Variants in MECOM observed in about 807,000 individuals in gnomAD.
MECOM encodes MDS1 and EVI1 complex locus.
A neutral mutation model predicts 116.3 loss-of-function variants in MECOM; 13 were observed. The observed-to-expected ratio is 0.11, with a 90% confidence interval of 0.07 to 0.18. The LOEUF (loss-of-function observed/expected upper bound fraction) is 0.18, where lower values mean the gene tolerates loss of function less well. Among genes scored for constraint, MECOM ranks in the 10% least tolerant of loss-of-function variants. MECOM has a pLI of 1.00. For missense variants in MECOM, 1,299 were observed against 1,509.0 expected (o/e 0.86, Z 2.31); for synonymous variants, 528 against 535.2 (o/e 0.99, Z 0.19).
chr3:169,262,427 A>C (rs553909055), intron 2 of MECOM, among the ~76,000 whole-genome samples: 1 of 152,216 alleles, frequency 6.6e-6, no homozygotes, highest in Non-Finnish European at 1.5e-5. Flanking sequence ...CTCAGATATC[A>C]AGAAAAAGTT....
At chr3:169,658,627 C>G (rs976702393) in intron 1 of MECOM, among the ~76,000 whole-genome samples, 12 of 152,020 alleles carry the variant, frequency 7.9e-5, no homozygotes, top group Non-Finnish European at 1.5e-5. Context: ...GTAGGGGGCC[C>G]CCTGAGTGAG....
intron 14 of MECOM, 25 bp from the exon 15 acceptor site, chr3:169,090,261 T>A: frequency 6.4e-7 from 1 of 1,560,446 alleles, no homozygotes; most frequent in Non-Finnish European, 8.7e-7. Flanking sequence ...AAAAAAAAAG[T>A]CCAATTGTTG....
chr3:169,427,831 G>A (rs1003450659), intron 1 of MECOM, among the ~76,000 whole-genome samples: 6 of 152,058 alleles, frequency 3.9e-5, no homozygotes, highest in Non-Finnish European at 7.4e-5. Flanking sequence ...TTAATGAAGT[G>A]GTGAGTTCAA....
intron 2 of MECOM, among the ~76,000 whole-genome samples, chr3:169,334,043 TA>T (rs577429906): frequency 1.1e-4 from 16 of 151,488 alleles, no homozygotes; most frequent in East Asian, 3.9e-4. Flanking sequence ...AACACTTTCT[TA>T]AAAAAAAATA....
chr3:169,197,250 C>A, intron 2 of MECOM, among the ~76,000 whole-genome samples: 1 of 151,646 alleles, frequency 6.6e-6, no homozygotes, highest in Non-Finnish European at 1.5e-5. Context: ...AATCTGTACA[C>A]CAAACCCCCA....
intron 1 of MECOM, among the ~76,000 whole-genome samples, chr3:169,386,857 A>G (rs546178025): frequency 6.6e-6 from 1 of 152,266 alleles, no homozygotes; most frequent in South Asian, 2.1e-4. Context: ...CTTGTTTTTA[A>G]TAAAGAAAAT....
At chr3:169,158,860 G>A (rs1378114021) in intron 2 of MECOM, among the ~76,000 whole-genome samples, 1 of 152,164 alleles carries the variant, frequency 6.6e-6, no homozygotes, top group Non-Finnish European at 1.5e-5. Context: ...GTGCAGACCA[G>A]CACTTCTCTA....
At chr3:169,309,413 C>A (rs1718326924) in intron 2 of MECOM, among the ~76,000 whole-genome samples, 1 of 152,148 alleles carries the variant, frequency 6.6e-6, no homozygotes, top group Admixed American at 6.5e-5. Flanking sequence ...CAGGCATAAA[C>A]TTCTGATATC....
intron 1 of MECOM, among the ~76,000 whole-genome samples, chr3:169,559,505 C>G (rs542243418): frequency 1.3e-5 from 2 of 152,186 alleles, no homozygotes; most frequent in African/African-American, 4.8e-5. Context: ...CTGCACACCT[C>G]CTGGGGTGTA....
intron 1 of MECOM, among the ~76,000 whole-genome samples, chr3:169,560,812 T>C (rs548970928): frequency 6.6e-6 from 1 of 151,912 alleles, no homozygotes; most frequent in Non-Finnish European, 1.5e-5. Flanking sequence ...TAGCAGCAAA[T>C]GGGCCTAAAT....
intron 2 of MECOM, among the ~76,000 whole-genome samples, chr3:169,305,464 A>AC (rs1033935130): frequency 6.6e-6 from 1 of 152,232 alleles, no homozygotes; most frequent in African/African-American, 2.4e-5. Context: ...TAGAAATCAG[A>AC]CCAGATATCT....
intron 1 of MECOM, among the ~76,000 whole-genome samples, chr3:169,391,261 T>C (rs1416246420): frequency 6.6e-6 from 1 of 152,144 alleles, no homozygotes; most frequent in Non-Finnish European, 1.5e-5. Context: ...TATTTGAAAA[T>C]GAGCAATGGT....
At chr3:169,414,572 A>G (rs2108472333) in intron 1 of MECOM, among the ~76,000 whole-genome samples, 1 of 152,320 alleles carries the variant, frequency 6.6e-6, no homozygotes, top group South Asian at 2.1e-4. Flanking sequence ...GAAGGTGGGT[A>G]ATAACAAACT....
At chr3:169,583,749 T>C (rs944643665) in intron 1 of MECOM, among the ~76,000 whole-genome samples, 1 of 151,502 alleles carries the variant, frequency 6.6e-6, no homozygotes, top group Non-Finnish European at 1.5e-5. Flanking sequence ...GATCCAAGCA[T>C]GCCACCACGT....
chr3:169,314,294 T>C (rs1181186174), intron 2 of MECOM, among the ~76,000 whole-genome samples: 1 of 152,256 alleles, frequency 6.6e-6, no homozygotes, highest in Admixed American at 6.5e-5. Flanking sequence ...GCCTGGCACA[T>C]ACTTAGCACT....
chr3:169,269,138 C>T (rs1391429574), intron 2 of MECOM: 1 of 151,880 alleles, frequency 6.6e-6, no homozygotes, highest in Admixed American at 6.6e-5. Context: ...TGTTTACCTT[C>T]GTGTTCTCAT....
At chr3:169,521,793 T>C (rs758152644) in intron 1 of MECOM, among the ~76,000 whole-genome samples, 1 of 152,204 alleles carries the variant, frequency 6.6e-6, no homozygotes, top group Non-Finnish European at 1.5e-5. Context: ...GCTATTCATA[T>C]CCGTGGGTTC....
intron 1 of MECOM, among the ~76,000 whole-genome samples, chr3:169,566,585 A>G (rs532585882): frequency 6.6e-6 from 1 of 152,314 alleles, no homozygotes; most frequent in East Asian, 1.9e-4. Context: ...GCAGATGAGA[A>G]TATGGAATGG....
chr3:169,240,810 G>A (rs578144970), intron 2 of MECOM, among the ~76,000 whole-genome samples: 74 of 152,294 alleles, frequency 4.9e-4, no homozygotes, highest in South Asian at 1.0e-3. Flanking sequence ...TTATTAGACA[G>A]ATTTAAGGGG....
Sources: gnomAD v4.1 joint callset for allele counts (sites outside exome capture counted in the v4.1 genomes callset) on GRCh38, gnomAD v4.1.1 for gene constraint, MANE v1.5 for transcripts, NCBI Gene and HGNC (gene_info 2026-07-23, HGNC 2026-07-21) for gene names.